The following FOCAD variants were observed in gnomAD, a reference collection of about 807,000 sequenced individuals.
FOCAD encodes the protein focadhesin.
FOCAD carries 198 observed loss-of-function variants against 225.6 expected under a neutral mutation model. That is an observed-to-expected ratio of 0.88 (90% CI 0.78 to 0.99). The LOEUF is 0.99. FOCAD is among the 50% of genes least tolerant of loss of function. FOCAD has a pLI of 0.00. For synonymous variants in FOCAD, 897 were observed against 755.0 expected (o/e 1.19, Z -3.08); for missense variants, 2,713 against 2,123.6 (o/e 1.28, Z -5.46).
At chr9:20,702,127 G>A (rs999000618) in intron 1 of FOCAD, among the ~76,000 whole-genome samples, 2 of 151,670 alleles carry the variant, frequency 1.3e-5, no homozygotes, top group African/African-American at 2.4e-5. Flanking sequence ...ATTAGCTATA[G>A]GGCATTGTTC....
At chr9:20,676,107 G>A (rs893600397) in intron 2 of FOCAD, among the ~76,000 whole-genome samples, 1 of 152,206 alleles carries the variant, frequency 6.6e-6, no homozygotes, top group African/African-American at 2.4e-5. Context: ...AATAAAGCTT[G>A]TGAAAATGTG....
At chr9:20,954,059 C>T (rs1386713697) in intron 35 of FOCAD, among the ~76,000 whole-genome samples, 2 of 152,094 alleles carry the variant, frequency 1.3e-5, no homozygotes, top group Non-Finnish European at 2.9e-5. Flanking sequence ...AGCCTGGAGA[C>T]AAATTCCATT....
At chr9:20,830,449 A>G (rs1188689076) in intron 15 of FOCAD, among the ~76,000 whole-genome samples, 1 of 152,124 alleles carries the variant, frequency 6.6e-6, no homozygotes, top group Non-Finnish European at 1.5e-5. Context: ...AAAAAGTAGT[A>G]TCACTTATTA....
intron 4 of FOCAD, among the ~76,000 whole-genome samples, chr9:20,738,837 A>C (rs1205778197): frequency 6.6e-6 from 1 of 152,210 alleles, no homozygotes; most frequent in Admixed American, 6.5e-5. Flanking sequence ...GATTACATTA[A>C]CTTTAATAAT....
chr9:20,832,304 A>T (rs1476625873), intron 15 of FOCAD, among the ~76,000 whole-genome samples: 4 of 152,028 alleles, frequency 2.6e-5, no homozygotes, highest in African/African-American at 9.7e-5. Flanking sequence ...TCTCTCCAAC[A>T]TGTACTTTTC....
At chr9:20,721,253 C>A (rs115975613) in intron 4 of FOCAD, among the ~76,000 whole-genome samples, 4 of 152,064 alleles carry the variant, frequency 2.6e-5, no homozygotes, top group Admixed American at 6.6e-5. Flanking sequence ...GGCTTTTGCC[C>A]CCTTCCCTCA....
At chr9:20,959,417 C>G (rs1182919385) in intron 35 of FOCAD, among the ~76,000 whole-genome samples, 1 of 152,022 alleles carries the variant, frequency 6.6e-6, no homozygotes, top group Non-Finnish European at 1.5e-5. Context: ...GTTTGAGTTC[C>G]TTGCATATTC....
intron 14 of FOCAD, among the ~76,000 whole-genome samples, chr9:20,821,305 G>A (rs920393215): frequency 2.0e-5 from 3 of 151,656 alleles, no homozygotes; most frequent in African/African-American, 4.8e-5. Flanking sequence ...TATTTATATC[G>A]TTTTCTGATT....
At chr9:20,952,317 G>A (rs1837759968) in intron 34 of FOCAD, 1 of 152,236 alleles carries the variant, frequency 6.6e-6, no homozygotes, top group African/African-American at 2.4e-5. Context: ...ACAGCTACTT[G>A]TTCCTGATGG....
At chr9:20,677,522 C>A (rs560718716) in intron 2 of FOCAD, among the ~76,000 whole-genome samples, 14 of 152,094 alleles carry the variant, frequency 9.2e-5, no homozygotes, top group Middle Eastern at 3.4e-3. Context: ...AGCAAAAAAA[C>A]CAAATAACCT....
chr9:20,664,753 A>G (rs576548819), intron 2 of FOCAD, among the ~76,000 whole-genome samples: 1 of 151,422 alleles, frequency 6.6e-6, no homozygotes, highest in East Asian at 1.9e-4. Flanking sequence ...TGCTGGGATT[A>G]CAGGCGTGAG....
intron 11 of FOCAD, among the ~76,000 whole-genome samples, chr9:20,817,851 T>A (rs1823893620): frequency 6.6e-6 from 1 of 152,212 alleles, no homozygotes; most frequent in Admixed American, 6.5e-5. Flanking sequence ...GAAAATTCAT[T>A]TACAAGATTT....
intron 15 of FOCAD, among the ~76,000 whole-genome samples, chr9:20,857,772 TTTTTTTTTTTGAG>T (rs201246503): frequency 0.2 from 26,503 of 129,834 alleles, 2,967 homozygotes; most frequent in Non-Finnish European, 0.26. Flanking sequence ...ATACCCAGTT[TTTTTTTTTTTGAG>T]TTTTTTTTTT....
At chr9:20,866,216 A>T (rs1402203249) in intron 17 of FOCAD, among the ~76,000 whole-genome samples, 1 of 151,930 alleles carries the variant, frequency 6.6e-6, no homozygotes, top group Non-Finnish European at 1.5e-5. Flanking sequence ...AGATGGGAAG[A>T]GGAACTGTTG....
intron 15 of FOCAD, among the ~76,000 whole-genome samples, chr9:20,850,580 A>G (rs1827547661): frequency 6.6e-6 from 1 of 151,834 alleles, no homozygotes; most frequent in Non-Finnish European, 1.5e-5. Context: ...TACTTCTTAA[A>G]TGCCAATTTA....
intron 8 of FOCAD, 107 bp downstream of exon 8, chr9:20,770,345 C>T (rs999092629): frequency 3.9e-6 from 4 of 1,034,032 alleles, no homozygotes; most frequent in African/African-American, 3.2e-5. Flanking sequence ...GTCTGGCAGG[C>T]TGTACAGGAT....
At chr9:20,814,888 C>A (rs914303918) in intron 11 of FOCAD, among the ~76,000 whole-genome samples, 2 of 151,766 alleles carry the variant, frequency 1.3e-5, no homozygotes, top group Non-Finnish European at 2.9e-5. Flanking sequence ...ATACTTTTGC[C>A]TTCTAAACCC....
At chr9:20,804,745 T>A (rs1343633970) in intron 11 of FOCAD, among the ~76,000 whole-genome samples, 1 of 152,076 alleles carries the variant, frequency 6.6e-6, no homozygotes, top group African/African-American at 2.4e-5. Flanking sequence ...ACATTCACCC[T>A]TTTATGGTCT....
chr9:20,849,846 A>G (rs1003958167), intron 15 of FOCAD, among the ~76,000 whole-genome samples: 3 of 151,868 alleles, frequency 2.0e-5, no homozygotes, highest in African/African-American at 7.2e-5. Context: ...CTCTGCAAAA[A>G]GAAGGCCTAT....
Sources: allele counts gnomAD v4.1 joint callset (sites outside exome capture counted in the v4.1 genomes callset), GRCh38; gene constraint gnomAD v4.1.1; transcripts MANE v1.5; gene names NCBI Gene and HGNC (gene_info 2026-07-23, HGNC 2026-07-21).